Variants in UGT1A7 observed in about 807,000 individuals in gnomAD.
UGT1A7 encodes UDP-glucuronosyltransferase 1A7.
A neutral mutation model predicts 45.6 loss-of-function variants in UGT1A7; 33 were observed. The ratio of observed to expected loss-of-function variants is 0.72; its 90% CI spans 0.55 to 0.97. UGT1A7 has a LOEUF of 0.97. Ranked by LOEUF, UGT1A7 falls within the 50% of genes least tolerant of loss-of-function variation. The probability of loss-of-function intolerance (pLI) is 0.00; values close to 1 mark genes in which losing one functional copy is unlikely to be tolerated. For synonymous variants in UGT1A7, 274 were observed against 250.6 expected, an observed-to-expected ratio of 1.09 and a Z score of -0.88; for missense variants, 684 against 666.2, an observed-to-expected ratio of 1.03 and a Z score of -0.29.
At chr2:233,757,561 T>TATATATATA (rs71058576) in intron 1 of UGT1A7, among the ~76,000 whole-genome samples, 1 of 121,178 alleles carries the variant, frequency 8.3e-6, no homozygotes, top group Non-Finnish European at 1.7e-5. Context: ...TATATATATA[T>TATATATATA]GTATATATGA....
At chr2:233,747,186 C>G (rs1693584588) in intron 1 of UGT1A7, 2 of 1,602,976 alleles carry the variant, frequency 1.2e-6, no homozygotes, top group Non-Finnish European at 1.7e-6. Flanking sequence ...GTGGGGTGGA[C>G]AGTCAGCTGT....
chr2:233,698,522 ATAAAG>A (rs1173933802), intron 1 of UGT1A7, among the ~76,000 whole-genome samples: 1 of 152,236 alleles, frequency 6.6e-6, no homozygotes, highest in Non-Finnish European at 1.5e-5. Context: ...TCGGCAATAC[ATAAAG>A]TAAACAGAAC....
intron 1 of UGT1A7, chr2:233,747,179 G>T: frequency 3.1e-6 from 5 of 1,601,464 alleles, no homozygotes; most frequent in Non-Finnish European, 4.3e-6. Context: ...GCACAGCGTG[G>T]GGTGGACAGT....
chr2:233,717,244 T>C (rs3806594), intron 1 of UGT1A7, among the ~76,000 whole-genome samples: 15,396 of 152,020 alleles, frequency 0.1, 884 homozygotes, highest in East Asian at 0.2. Flanking sequence ...ATGCAGACAG[T>C]TTTAAGGGGG....
intron 1 of UGT1A7, chr2:233,718,890 C>T (rs6755571): frequency 2.5e-6 from 4 of 1,613,968 alleles, no homozygotes; most frequent in East Asian, 2.2e-5. Flanking sequence ...CAGTGTCCAG[C>T]CCTGGGCTGA....
intron 1 of UGT1A7, among the ~76,000 whole-genome samples, chr2:233,725,285 GGCAGAGGCAGAGGCA>G: frequency 1.1e-5 from 1 of 89,706 alleles, no homozygotes; most frequent in East Asian, 3.3e-4. Flanking sequence ...CAGAGGCAGA[GGCAGAGGCAGAGGCA>G]GAGGCAGAGG....
chr2:233,721,917 A>C (rs2076979949), intron 1 of UGT1A7: 1 of 410,562 alleles, frequency 2.4e-6, no homozygotes, highest in Admixed American at 2.7e-5. Flanking sequence ...CACTGCTTCC[A>C]TAAAGTGACA....
At chr2:233,716,104 T>A (rs1411406439) in intron 1 of UGT1A7, among the ~76,000 whole-genome samples, 1 of 152,220 alleles carries the variant, frequency 6.6e-6, no homozygotes, top group Non-Finnish European at 1.5e-5. Flanking sequence ...TAACAGAAAT[T>A]TAGTTTTTCC....
chr2:233,741,575 C>A lies in UGT1A7; in HGVS notation c.856-25459C>A, dbSNP rs559274983. ...TGGTTATTGTATGAGAATCAACTAC[C>A]CAGGCACCTCGGAGCATGTTGATTT... On this transcript the variant is annotated intron_variant, in intron 1 of 4. Coordinates refer to ENST00000373426, the MANE Select transcript of UGT1A7 (RefSeq NM_019077.3). 4 of 151,970 alleles carry A rather than the reference C, an allele frequency of 2.6e-5. No individual in the cohort carries two copies. In the East Asian group the frequency reaches 7.7e-4, roughly 29 times the overall value. 9.4% of individuals were successfully genotyped at this position (151,970 alleles called of 1,614,324 possible).
rs751992006 is a variant in UGT1A7 at position 233,682,720 on chromosome 2, T to C, written c.783T>C (p.Tyr261=). 1 of 1,613,908 alleles carries C rather than the reference T, an allele frequency of 6.2e-7. No homozygotes were observed. Among genetic ancestry groups the C allele is most frequent in the Non-Finnish European group, 8.5e-7 (1 of 1,179,810 alleles). ...TGCGAACTGACTTTGTTTTGGAGTA[T>C]CCCAAACCCGTGATGCCCAATATGA... The part of the protein sequence containing the change: ...WLLRTDFVLE[Y]PKPVMPNMIF... Residue 261 remains tyrosine (Y), a synonymous_variant, in exon 1 of 5, where the codon TAT becomes TAC. Transcript: ENST00000373426.
At chr2:233,760,002 C>T (rs1697301368) in intron 1 of UGT1A7, among the ~76,000 whole-genome samples, 1 of 152,194 alleles carries the variant, frequency 6.6e-6, no homozygotes, top group Admixed American at 6.5e-5. Flanking sequence ...TGTGGAAATA[C>T]TAATTTAATG....
intron 1 of UGT1A7, among the ~76,000 whole-genome samples, chr2:233,717,104 T>G (rs535870475): frequency 2.6e-5 from 4 of 152,074 alleles, no homozygotes; most frequent in Non-Finnish European, 5.9e-5. Context: ...ACTATCTAAA[T>G]AAAACACCAC....
chr2:233,693,630 T>C (rs1199518896), intron 1 of UGT1A7: 30 of 1,614,076 alleles, frequency 1.9e-5, no homozygotes, highest in Non-Finnish European at 2.5e-5. Flanking sequence ...TCCCAACGAG[T>C]GGCCAACTTC....
chr2:233,747,369 G>C lies in UGT1A7; in HGVS notation c.856-19665G>C, dbSNP rs1248922678. On this transcript the variant is annotated intron_variant, in intron 1 of 4. Coordinates refer to ENST00000373426, the MANE Select transcript of UGT1A7 (RefSeq NM_019077.3). ...GCGGGAGGCCGTGCGGGAGCTCCAT[G>C]CCAGAGGCCACCAGGCGGTGGTCCT... 94 of 1,604,318 alleles carry C rather than the reference G, an allele frequency of 5.9e-5. 1 individual carries two copies. Among genetic ancestry groups the C allele is most frequent in the South Asian group, 2.1e-4 (19 of 90,452 alleles).
At chr2:233,754,864 C>T (rs1448859484) in intron 1 of UGT1A7, 1 of 1,352,042 alleles carries the variant, frequency 7.4e-7, no homozygotes, top group South Asian at 1.1e-5. Context: ...GGTGCAGACC[C>T]TCTGCTTCTG....
At chr2:233,710,728 A>G (rs1187864039) in intron 1 of UGT1A7, among the ~76,000 whole-genome samples, 1 of 152,210 alleles carries the variant, frequency 6.6e-6, no homozygotes, top group African/African-American at 2.4e-5. Flanking sequence ...TTAAAAAACA[A>G]CGTCTTTCAA....
In UGT1A7 at chr2:233,682,337, G is replaced by C. The variant is rs753738317; in HGVS notation, c.400G>C (p.Val134Leu). 1 of 1,614,108 alleles carries C rather than the reference G, an allele frequency of 6.2e-7. No homozygotes were observed. Among genetic ancestry groups the C allele is most frequent in the African/African-American group, 1.3e-5 (1 of 75,024 alleles). The change falls in exon 1 of 5, where the codon GTA (valine) becomes CTA (leucine). Residue 134 changes from valine (V) to leucine (L), a missense_variant. Coordinates refer to ENST00000373426, the MANE Select transcript of UGT1A7 (RefSeq NM_019077.3). The stretch of plus-strand genomic sequence containing the variant: ...GAGTTTGTTTAATGACCGAAAATTA[G>C]TAGAATACTTAAAGGAGAGTTGTTT... ...CRSLFNDRKL[V>L]EYLKESCFDA...
intron 1 of UGT1A7, chr2:233,760,122 C>T (rs535497865): frequency 2.2e-4 from 285 of 1,291,908 alleles, no homozygotes; most frequent in Non-Finnish European, 2.8e-4. Context: ...TAATAAAGCT[C>T]CACCTTCTTT....
At chr2:233,686,540 C>T (rs545175135) in intron 1 of UGT1A7, among the ~76,000 whole-genome samples, 71 of 152,184 alleles carry the variant, frequency 4.7e-4, no homozygotes, top group African/African-American at 1.5e-3. Flanking sequence ...CTAACCTTTC[C>T]GTGGCTTTCT....
Sources: gnomAD v4.1 joint callset for allele counts (sites outside exome capture counted in the v4.1 genomes callset) on GRCh38, gnomAD v4.1.1 for gene constraint, MANE v1.5 for transcripts, NCBI Gene and HGNC (gene_info 2026-07-23, HGNC 2026-07-21) for gene names.